The following ZFPM1 variants were observed in gnomAD, a reference collection of about 807,000 sequenced individuals.
The protein encoded by ZFPM1 is zinc finger protein ZFPM1.
In ZFPM1, 28 loss-of-function variants were observed where a neutral mutation model predicts 46.3. The observed-to-expected ratio is 0.60, with a 90% CI of 0.45 to 0.83. The LOEUF (loss-of-function observed/expected upper bound fraction) is 0.83. ZFPM1 is among the 40% of genes least tolerant of loss of function. ZFPM1 has a pLI of 0.00. For synonymous variants in ZFPM1, 957 were observed against 675.9 expected (o/e 1.42, Z -6.45); for missense variants, 1,878 against 1,432.4 (o/e 1.31, Z -5.02).
intron 1 of ZFPM1, among the ~76,000 whole-genome samples, chr16:88,482,010 T>A (rs919745568): frequency 5.9e-5 from 9 of 152,170 alleles, no homozygotes; most frequent in African/African-American, 2.4e-5. Context: ...ACCGGGAAAC[T>A]GAGCACAGAG....
intron 1 of ZFPM1, among the ~76,000 whole-genome samples, chr16:88,465,437 A>G (rs1908090603): frequency 6.6e-6 from 1 of 152,226 alleles, no homozygotes; most frequent in African/African-American, 2.4e-5. Flanking sequence ...GTCTTGGGCC[A>G]TGTCTCTGTG....
In ZFPM1 at chr16:88,536,623, G is replaced by A. The variant is rs72807444; in HGVS notation, c.*1644G>A. 10,221 of 152,402 alleles carry A rather than the reference G, an allele frequency of 0.067. 433 individuals are homozygous for A. The highest frequency in any genetic ancestry group is 0.12 in the South Asian group (567 of 4,828). The allele number at this position is 152,402 out of a possible 1,614,324, so 9.4% of individuals were successfully genotyped here. On this transcript the variant is annotated 3_prime_UTR_variant, in exon 10 of 10. Coordinates refer to ENST00000319555, the MANE Select transcript of ZFPM1 (RefSeq NM_153813.3). ...GGGCTCGCTCTCCTGCCCGCAGCTC[G>A]TGGGCCTGGGTCTGCAGCGCTTTCA...
chr16:88,502,530 T>C (rs1272146930), intron 3 of ZFPM1, among the ~76,000 whole-genome samples: 2 of 152,190 alleles, frequency 1.3e-5, no homozygotes, highest in Admixed American at 1.3e-4. Flanking sequence ...CTGGAGTCAC[T>C]GTAGGTCTTG....
At chr16:88,451,996 C>T (rs542160885), upstream of ZFPM1, among the ~76,000 whole-genome samples, 1 of 152,254 alleles carries the variant, frequency 6.6e-6, no homozygotes, top group African/African-American at 2.4e-5. Context: ...GAAGTTGGCA[C>T]GAGATGGGGT....
chr16:88,516,929 G>C lies in ZFPM1; in HGVS notation c.402+2409G>C, dbSNP rs560182683. ...CTTCCCCCTCGGTTCCCCACCTCTG[G>C]ACATGGGGGGCGGGCACCCACAGAG... On this transcript the variant is annotated intron_variant, in intron 4 of 9. Transcript: ENST00000319555. Among the ~76,000 whole-genome samples the C allele has an allele frequency of 1.1e-4, 16 of 152,278 alleles. No homozygotes were observed. In the South Asian group the frequency reaches 2.9e-3, roughly 28 times the overall value.
chr16:88,521,625 G>A (rs1293823875), intron 4 of ZFPM1, among the ~76,000 whole-genome samples: 6 of 91,010 alleles, frequency 6.6e-5, no homozygotes, highest in Admixed American at 3.1e-4. Context: ...CCCCCAACCC[G>A]TGCTATTCCC....
At chr16:88,467,043 G>A (rs531589545) in intron 1 of ZFPM1, among the ~76,000 whole-genome samples, 114 of 152,146 alleles carry the variant, frequency 7.5e-4, no homozygotes, top group African/African-American at 2.5e-3. Context: ...CTCTCTGCCC[G>A]CAGCCCACCC....
chr16:88,521,111 T>G (rs1254676002), intron 4 of ZFPM1, among the ~76,000 whole-genome samples: 8 of 151,580 alleles, frequency 5.3e-5, no homozygotes, highest in Admixed American at 3.3e-4. Flanking sequence ...GATGGACAGG[T>G]GGATGGATGC....
chr16:88,505,803 A>G (rs991508952), intron 3 of ZFPM1, among the ~76,000 whole-genome samples: 2 of 152,050 alleles, frequency 1.3e-5, no homozygotes, highest in African/African-American at 4.8e-5. Context: ...TGCTTGGAGG[A>G]TGGGCACATA....
Position 88,497,558 on chromosome 16 carries a change from G to A in ZFPM1, c.268+8405G>A, listed in dbSNP as rs901277521. Among the ~76,000 whole-genome samples, 7 of 151,910 alleles carry A rather than the reference G, an allele frequency of 4.6e-5. No individual in the cohort carries two copies. The highest frequency in any genetic ancestry group is 7.2e-5 in the African/African-American group (3 of 41,410). ...GGATGGGGTTCAGCGGGGTCAGGGCGGGGGCTCAGTGCCAGGGACTGCAAG... is the reference window on the plus strand; with the variant it reads ...GGATGGGGTTCAGCGGGGTCAGGGCAGGGGCTCAGTGCCAGGGACTGCAAG... On this transcript the variant is annotated intron_variant, in intron 3 of 9. Transcript: ENST00000319555. This position sits in a 1 kb window ranked among gnomAD's most constrained non-coding sequence, Gnocchi z 5.4.
intron 2 of ZFPM1, among the ~76,000 whole-genome samples, chr16:88,487,366 C>T (rs531041164): frequency 1.1e-4 from 17 of 152,316 alleles, no homozygotes; most frequent in Admixed American, 8.5e-4. Context: ...GTGAATTACC[C>T]CCACTCCAAC....
chr16:88,469,316 C>T lies in ZFPM1; in HGVS notation c.40+15638C>T, dbSNP rs1263956769. On this transcript the variant is annotated intron_variant, in intron 1 of 9. Transcript: ENST00000319555. The surrounding 1 kb of genome is among the most constrained non-coding windows in gnomAD (Gnocchi z 4.3). The stretch of plus-strand genomic sequence containing the variant: ...CAACCCCTTTGCCCACCCTCAGCCT[C>T]CCCATCTGTAAAACCGGAAGGCGGT... Among the ~76,000 whole-genome samples the T allele has an allele frequency of 1.3e-5, 2 of 152,256 alleles. No individual in the cohort carries two copies. Among genetic ancestry groups the T allele is most frequent in the African/African-American group, 2.4e-5 (1 of 41,466 alleles).
At chr16:88,453,097 G>T (rs955061907), upstream of ZFPM1, among the ~76,000 whole-genome samples, 3 of 150,582 alleles carry the variant, frequency 2.0e-5, no homozygotes, top group East Asian at 2.0e-4. Flanking sequence ...CGCGGTCGCG[G>T]CTCTGGGGGC....
chr16:88,518,222 G>C (rs1911482696), intron 4 of ZFPM1, among the ~76,000 whole-genome samples: 1 of 151,934 alleles, frequency 6.6e-6, no homozygotes, highest in African/African-American at 2.4e-5. Flanking sequence ...AAAAAAATGA[G>C]TGGGTGAATG....
Position 88,480,597 on chromosome 16 carries a change from G to C in ZFPM1, c.41-5342G>C, listed in dbSNP as rs147036554. ...ACTCCCAAGAGAGGCCAGCATAGGCGCCTGTGTCCCCTGCAGGCACCCACT... is the reference window on the plus strand; with the variant it reads ...ACTCCCAAGAGAGGCCAGCATAGGCCCCTGTGTCCCCTGCAGGCACCCACT... On this transcript the variant is annotated intron_variant, in intron 1 of 9. Coordinates refer to ENST00000319555, the MANE Select transcript of ZFPM1 (RefSeq NM_153813.3). This position sits in a 1 kb window ranked among gnomAD's most constrained non-coding sequence, Gnocchi z 4.9. Among the ~76,000 whole-genome samples the C allele has an allele frequency of 4.6e-5, 7 of 152,344 alleles. No individual in the cohort carries two copies. Among genetic ancestry groups the C allele is most frequent in the African/African-American group, 1.7e-4 (7 of 41,574 alleles).
intron 1 of ZFPM1, among the ~76,000 whole-genome samples, chr16:88,458,607 A>G (rs1907662077): frequency 1.3e-5 from 2 of 152,156 alleles, no homozygotes; most frequent in African/African-American, 4.8e-5. Flanking sequence ...TGCCATCGAC[A>G]GCCTCCTCCT....
At chr16:88,529,151 G>A (rs528966898) in intron 6 of ZFPM1, among the ~76,000 whole-genome samples, 211 of 151,994 alleles carry the variant, frequency 1.4e-3, no homozygotes, top group African/African-American at 4.8e-3. Context: ...GTGATGGTGC[G>A]CCCCGTGCAC....
intron 3 of ZFPM1, among the ~76,000 whole-genome samples, chr16:88,503,850 C>A (rs1324938069): frequency 6.6e-6 from 1 of 152,128 alleles, no homozygotes; most frequent in Non-Finnish European, 1.5e-5. Flanking sequence ...CAGTCTCCCC[C>A]TGGTTAGCAC....
At chr16:88,518,115 G>T (rs955978085) in intron 4 of ZFPM1, among the ~76,000 whole-genome samples, 26 of 152,108 alleles carry the variant, frequency 1.7e-4, no homozygotes, top group Non-Finnish European at 3.2e-4. Flanking sequence ...TGAGGCAGGA[G>T]AATGGTGTGA....
Sources: gnomAD v4.1 joint callset for allele counts (sites outside exome capture counted in the v4.1 genomes callset) on GRCh38, gnomAD v4.1.1 for gene constraint, Gnocchi (gnomAD v3.1) non-coding constraint, MANE v1.5 for transcripts, NCBI Gene and HGNC (gene_info 2026-07-23, HGNC 2026-07-21) for gene names.